NBPF26: variants seen among roughly 807,000 people sequenced by gnomAD.
NBPF26 encodes the protein NBPF family member NBPF26.
A neutral mutation model predicts 119.6 loss-of-function variants in NBPF26; 79 were observed. The observed-to-expected ratio is 0.66, with a 90% CI of 0.55 to 0.80. The LOEUF is 0.80. NBPF26 is among the 30% of genes least tolerant of loss of function. NBPF26 has a pLI of 0.00. For missense variants in NBPF26, 800 were observed against 1,198.2 expected, an observed-to-expected ratio of 0.67 and a Z score of 4.91; for synonymous variants, 299 against 457.7, an observed-to-expected ratio of 0.65 and a Z score of 4.43.
intron 1 of NBPF26, 104 bp downstream of exon 1, chr1:120,724,354 C>G: frequency 7.4e-7 from 1 of 1,352,778 alleles, no homozygotes; most frequent in South Asian, 1.3e-5. Context: ...CCAGGCTCGG[C>G]CGCCGGCGCG....
rs1651480282 is a variant in NBPF26 at position 120,790,589 on chromosome 1, TTTC to T, written c.416-2570_416-2568del. On this transcript the variant is annotated intron_variant, in intron 3 of 29. Coordinates refer to ENST00000620612, the Ensembl canonical transcript of NBPF26. The stretch of plus-strand genomic sequence containing the variant: ...CTTTCTTTCTTTCTTTCTTTCTTTC[TTTC>T]TCTTTCTCTCTCTTTCCCTCTCTCT... 2.2e-4 allele frequency among the ~76,000 whole-genome samples: 23 copies of T among 106,912 alleles called. 1 individual carries two copies. Among genetic ancestry groups the T allele is most frequent in the Non-Finnish European group, 3.7e-4 (21 of 57,486 alleles). 70.1% of individuals were successfully genotyped at this position (106,912 alleles called of 152,430 possible). A position where few individuals can be genotyped will look rare whatever the true frequency, so the allele number is the denominator to read the frequency against.
At chr1:120,810,162 C>T (rs1418129590) in intron 8 of NBPF26, among the ~76,000 whole-genome samples, 185 bp from the exon 9 acceptor site, 4 of 121,274 alleles carry the variant, frequency 3.3e-5, no homozygotes, top group Non-Finnish European at 6.5e-5. Context: ...TCCTCTCTGG[C>T]TCCCATGGCA....
intron 1 of NBPF26, among the ~76,000 whole-genome samples, chr1:120,726,098 AAAT>A (rs1650811592): frequency 1.0e-5 from 1 of 99,684 alleles, no homozygotes; most frequent in South Asian, 2.9e-4. Context: ...ATTAAGTATT[AAAT>A]AATATGTCAG....
chr1:120,813,294 C>G (rs1338619223), intron 10 of NBPF26, among the ~76,000 whole-genome samples: 2 of 127,004 alleles, frequency 1.6e-5, no homozygotes, highest in Non-Finnish European at 3.2e-5. Context: ...GTTCTTCATT[C>G]TGCTGTTTCT....
chr1:120,730,018 G>A lies in NBPF26; in HGVS notation c.73+5768G>A. Among the ~76,000 whole-genome samples the A allele has an allele frequency of 2.0e-5, 2 of 100,790 alleles. 1 individual carries two copies. The highest frequency in any genetic ancestry group is 1.4e-4 in the African/African-American group (2 of 14,478). The allele number at this position is 100,790 out of a possible 152,430, so 66.1% of individuals were successfully genotyped here. On this transcript the variant is annotated intron_variant, in intron 1 of 29. Coordinates refer to ENST00000620612, the Ensembl canonical transcript of NBPF26. Reference sequence around the variant, plus strand: ...AGAAAGCTGCTATGGTATAAGGTTAGTAAAGTTGTTTGTTTTGTCTTAAAA... The same window carrying A: ...AGAAAGCTGCTATGGTATAAGGTTAATAAAGTTGTTTGTTTTGTCTTAAAA...
chr1:120,792,754 C>T (rs1651506839), intron 3 of NBPF26, among the ~76,000 whole-genome samples: 1 of 103,026 alleles, frequency 9.7e-6, no homozygotes, highest in Non-Finnish European at 1.8e-5. Flanking sequence ...CCTGCCTCGG[C>T]CTCCCAAAGT....
At chr1:120,740,296 AGGTT>A (rs1362042866) in intron 1 of NBPF26, among the ~76,000 whole-genome samples, 1 of 117,086 alleles carries the variant, frequency 8.5e-6, no homozygotes, top group East Asian at 2.2e-4. Flanking sequence ...AGGCTAGGGG[AGGTT>A]GAGGAGATTA....
chr1:120,752,519 A>AT (rs1651027767), intron 1 of NBPF26, among the ~76,000 whole-genome samples: 1 of 14,666 alleles, frequency 6.8e-5, no homozygotes, highest in African/African-American at 4.7e-4. Context: ...GAAGTTCAGG[A>AT]ATATATATAT....
chr1:120,778,599 A>G, intron 2 of NBPF26, among the ~76,000 whole-genome samples: 1 of 27,658 alleles, frequency 3.6e-5, no homozygotes, highest in South Asian at 7.2e-4. Flanking sequence ...TGAATGGCCA[A>G]ATCCTCGTTT....
At chr1:120,813,099 G>A (rs1651913170) in intron 10 of NBPF26, among the ~76,000 whole-genome samples, 1 of 119,252 alleles carries the variant, frequency 8.4e-6, no homozygotes, top group Admixed American at 7.9e-5. Flanking sequence ...TACAGAGCAG[G>A]GACCGTGGGC....
intron 10 of NBPF26, among the ~76,000 whole-genome samples, chr1:120,812,937 A>C (rs1448326360): frequency 0.039 from 4,610 of 116,714 alleles, 19 homozygotes; most frequent in Middle Eastern, 0.098. Flanking sequence ...TAATAATAAT[A>C]ATAATAATAA....
chr1:120,840,608 G>T, exon 30 of NBPF26: 3 of 1,459,822 alleles, frequency 2.1e-6, no homozygotes, highest in East Asian at 2.3e-5. Flanking sequence ...CCCTTACTAA[G>T]CCGAGAGGTG....
In NBPF26 at chr1:120,770,386, G is replaced by A. The variant is rs1220931729; in HGVS notation, c.155+6677G>A. 6.3e-5 allele frequency among the ~76,000 whole-genome samples: 7 copies of A among 110,858 alleles called. 2 individuals carry two copies. The highest frequency in any genetic ancestry group is 1.2e-4 in the African/African-American group (2 of 17,200). The allele number at this position is 110,858 out of a possible 152,430, so 72.7% of individuals were successfully genotyped here. ...GGGTTTCACTGTGTTAGCCAGGATG[G>A]TCTCTATCTCCTGACCTCATGATCT... On this transcript the variant is annotated intron_variant, in intron 2 of 29. Coordinates refer to ENST00000620612, the Ensembl canonical transcript of NBPF26.
Position 120,777,603 on chromosome 1 carries a change from G to A in NBPF26, c.156-7371G>A, listed in dbSNP as rs1175764545. Among the ~76,000 whole-genome samples the A allele has an allele frequency of 3.4e-5, 3 of 87,188 alleles. 1 individual carries two copies. The highest frequency in any genetic ancestry group is 2.4e-4 in the African/African-American group (3 of 12,430). The allele number at this position is 87,188 out of a possible 152,430, so 57.2% of individuals were successfully genotyped here. ...CTATACACAAATACTTTTTTTTAAA[G>A]TTCTTTTTGTTTTTCCTTCTTGCTG... On this transcript the variant is annotated intron_variant, in intron 2 of 29. Transcript: ENST00000620612.
Position 120,840,350 on chromosome 1 carries a change from G to A in NBPF26, c.4104G>A (p.Arg1368=), listed in dbSNP as rs1652486332. 5 of 1,447,354 alleles carry A rather than the reference G, an allele frequency of 3.5e-6. 1 individual carries two copies. The highest frequency in any genetic ancestry group is 1.2e-5 in the South Asian group (1 of 83,544). 89.7% of individuals were successfully genotyped at this position (1,447,354 alleles called of 1,614,324 possible). A position where few individuals can be genotyped will look rare whatever the true frequency, so the allele number is the denominator to read the frequency against. The change falls in exon 30 of 30, where the codon AGG becomes AGA. Residue 1368 remains arginine (R), a splice_region_variant and synonymous_variant. Coordinates refer to ENST00000620612, the Ensembl canonical transcript of NBPF26. ...TCTTTAGTTTTGTCTCCTTTTGCAG[G>A]CTCAACAGCATGCTGATGGAAGTGG...
At chr1:120,801,808 C>A in intron 4 of NBPF26, among the ~76,000 whole-genome samples, 1 of 37,266 alleles carries the variant, frequency 2.7e-5, no homozygotes, top group Non-Finnish European at 4.0e-5. Flanking sequence ...GCCTGGGTGA[C>A]AGAACAAGAC....
At chr1:120,745,815 CAAAA>C (rs1357711195) in intron 1 of NBPF26, among the ~76,000 whole-genome samples, 3 of 15,532 alleles carry the variant, frequency 1.9e-4, no homozygotes, top group Non-Finnish European at 3.1e-4. Flanking sequence ...GACTGCATCT[CAAAA>C]AAAAAAAAAA....
rs1454998496 is a variant in NBPF26, at chr1:120,728,006, T to G, written c.73+3756T>G. 1.5e-4 allele frequency among the ~76,000 whole-genome samples: 18 copies of G among 119,308 alleles called. 4 individuals are homozygous for G. The highest frequency in any genetic ancestry group is 4.0e-4 in the Admixed American group (5 of 12,634). The allele number at this position is 119,308 out of a possible 152,430, so 78.3% of individuals were successfully genotyped here. On this transcript the variant is annotated intron_variant, in intron 1 of 29. Coordinates refer to ENST00000620612, the Ensembl canonical transcript of NBPF26. Reference sequence around the variant, plus strand: ...CGGTCCTCCATTTTCTGATGTTCATTGTTCATGGTCACAGAGCCAATTAGA... The same window carrying G: ...CGGTCCTCCATTTTCTGATGTTCATGGTTCATGGTCACAGAGCCAATTAGA...
In NBPF26 at chr1:120,804,492, A is replaced by G. The variant is rs1224237310; in HGVS notation, c.752-1064A>G. On this transcript the variant is annotated intron_variant, in intron 4 of 29. Transcript: ENST00000620612. ...TGCTCGTGGCCCTGTTCTTTTCAGT[A>G]TATGGGAAAACAAAATGGAAACAAC... Among the ~76,000 whole-genome samples the G allele has an allele frequency of 7.3e-5, 6 of 82,254 alleles. 1 individual carries two copies. The highest frequency in any genetic ancestry group is 1.3e-4 in the Non-Finnish European group (6 of 46,288). The allele number at this position is 82,254 out of a possible 152,430, so 54.0% of individuals were successfully genotyped here. A position where few individuals can be genotyped will look rare whatever the true frequency, so the allele number is the denominator to read the frequency against.
Sources: gnomAD v4.1 joint callset for allele counts (sites outside exome capture counted in the v4.1 genomes callset) on GRCh38, gnomAD v4.1.1 for gene constraint, MANE v1.5 for transcripts, NCBI Gene and HGNC (gene_info 2026-07-23, HGNC 2026-07-21) for gene names.